The following SPIN1 variants were observed in gnomAD, a reference collection of about 807,000 sequenced individuals.
The protein encoded by SPIN1 is spindlin-1.
SPIN1 carries 3 observed loss-of-function variants against 26.0 expected under a neutral mutation model. The ratio of observed to expected loss-of-function variants is 0.12; its 90% CI spans 0.05 to 0.30. The LOEUF is 0.30. Among genes scored for constraint, SPIN1 ranks in the 10% least tolerant of loss-of-function variants. The pLI is 1.00. For synonymous variants in SPIN1, 101 were observed against 116.5 expected, an observed-to-expected ratio of 0.87 and a Z score of 0.86; for missense variants, 126 against 333.4, an observed-to-expected ratio of 0.38 and a Z score of 4.84.
intron 1 of SPIN1, among the ~76,000 whole-genome samples, chr9:88,389,773 G>A (rs1483466392): frequency 6.6e-6 from 1 of 152,168 alleles, no homozygotes; most frequent in African/African-American, 2.4e-5. Flanking sequence ...TTAATGGAGG[G>A]TACAGTAATT....
At chr9:88,420,479 C>A (rs1827648475) in intron 1 of SPIN1, among the ~76,000 whole-genome samples, 1 of 152,182 alleles carries the variant, frequency 6.6e-6, no homozygotes, top group African/African-American at 2.4e-5. Context: ...CCAGCCAGTC[C>A]TCTGAAGCTG....
In SPIN1 at chr9:88,400,125, C is replaced by A. The variant is rs947248178; in HGVS notation, c.-159+11587C>A. On this transcript the variant is annotated intron_variant, in intron 1 of 5. Transcript: ENST00000375859. ...ATTGGCCTCCCTTTGGGTAGTTGCC[C>A]AGCACGGTACTGTCTTCCTCAGAAT... is the stretch of plus-strand genomic sequence containing the variant. Among the ~76,000 whole-genome samples the A allele has an allele frequency of 2.0e-5, 3 of 152,286 alleles. No homozygotes were observed. In the East Asian group the frequency reaches 5.8e-4, roughly 29 times the overall value.
intron 1 of SPIN1, chr9:88,416,539 CT>C (rs1478509437): frequency 1.3e-5 from 2 of 152,202 alleles, no homozygotes; most frequent in Non-Finnish European, 2.9e-5. Context: ...CTGGTAAACC[CT>C]TGTGATGCTG....
At chr9:88,422,321 C>T (rs1352929488) in intron 1 of SPIN1, among the ~76,000 whole-genome samples, 2 of 152,056 alleles carry the variant, frequency 1.3e-5, no homozygotes, top group South Asian at 2.1e-4. Context: ...TTTTTTGTTT[C>T]CTTCAGTTTT....
intron 1 of SPIN1, among the ~76,000 whole-genome samples, chr9:88,404,160 G>C (rs1827247234): frequency 1.3e-5 from 2 of 152,196 alleles, no homozygotes; most frequent in Admixed American, 1.3e-4. Flanking sequence ...TGGTCCACCT[G>C]TATTAGGGCA....
chr9:88,448,830 G>A (rs1828304482), intron 2 of SPIN1, 111 bp from the exon 3 acceptor site: 15 of 862,498 alleles, frequency 1.7e-5, no homozygotes, highest in Non-Finnish European at 2.7e-5. Context: ...TGGTAGTGGT[G>A]TATTTTCTTT....
rs186829110 is a variant in SPIN1 at position 88,410,731 on chromosome 9, C to G, written c.-158-15651C>G. On this transcript the variant is annotated intron_variant, in intron 1 of 5. Transcript: ENST00000375859. ...AAAATCATTGTAGCTTCCACCACCT[C>G]CAAAATTGCTTCCACCATTACCAAA... is the stretch of plus-strand genomic sequence containing the variant. 1,347 of 1,403,250 alleles carry G rather than the reference C, an allele frequency of 9.6e-4. 6 individuals carry two copies. In the Middle Eastern group the frequency reaches 0.011, roughly 11 times the overall value. 86.9% of individuals were successfully genotyped at this position (1,403,250 alleles called of 1,614,324 possible). A position where few individuals can be genotyped will look rare whatever the true frequency, so the allele number is the denominator to read the frequency against.
At chr9:88,463,738 A>G (rs183628861) in intron 4 of SPIN1, among the ~76,000 whole-genome samples, 1 of 152,320 alleles carries the variant, frequency 6.6e-6, no homozygotes, top group East Asian at 1.9e-4. Flanking sequence ...TTTCAAAGAA[A>G]TCTTTCTTTA....
At chr9:88,437,012 G>A (rs568695936) in intron 2 of SPIN1, among the ~76,000 whole-genome samples, 55 of 151,910 alleles carry the variant, frequency 3.6e-4, no homozygotes, top group Admixed American at 9.2e-4. Context: ...TGATCCGCCC[G>A]CCTCGGCCTC....
intron 2 of SPIN1, among the ~76,000 whole-genome samples, chr9:88,441,253 T>C (rs1828117492): frequency 6.6e-6 from 1 of 151,846 alleles, no homozygotes; most frequent in South Asian, 2.1e-4. Context: ...TAGATGCAAA[T>C]ACTACACCAT....
At chr9:88,442,814 A>G (rs991960853) in intron 2 of SPIN1, among the ~76,000 whole-genome samples, 2 of 151,782 alleles carry the variant, frequency 1.3e-5, no homozygotes, top group African/African-American at 4.8e-5. Flanking sequence ...GGTGTCTGGC[A>G]TTAATTTCTG....
intron 1 of SPIN1, among the ~76,000 whole-genome samples, chr9:88,394,878 C>T (rs1208879895): frequency 1.4e-5 from 2 of 146,606 alleles, no homozygotes; most frequent in East Asian, 2.0e-4. Context: ...GGTGCGATCT[C>T]GGCTCACTGC....
chr9:88,422,988 C>T (rs1000663997), intron 1 of SPIN1, among the ~76,000 whole-genome samples: 10 of 151,726 alleles, frequency 6.6e-5, no homozygotes, highest in African/African-American at 9.7e-5. Flanking sequence ...GGATTACAGG[C>T]GTGAGCCACC....
intron 3 of SPIN1, 68 bp from the exon 4 acceptor site, chr9:88,462,428 G>A (rs1003805317): frequency 6.4e-6 from 10 of 1,555,534 alleles, no homozygotes; most frequent in African/African-American, 2.7e-5. Flanking sequence ...GCTAGCCAGC[G>A]GTTATGTTAG....
rs192729961 is a variant in SPIN1, at chr9:88,417,404, T to G, written c.-158-8978T>G. 3.4e-3 allele frequency among the ~76,000 whole-genome samples: 520 copies of G among 152,326 alleles called. 3 individuals are homozygous for G. Among genetic ancestry groups the G allele is most frequent in the African/African-American group, 0.012 (501 of 41,580 alleles). On this transcript the variant is annotated intron_variant, in intron 1 of 5. Coordinates refer to ENST00000375859, the MANE Select transcript of SPIN1 (RefSeq NM_006717.3). ...TCAGAGTATCCACCTGGAAATAGCA[T>G]CACATCCCACAAGACTGCCCCCATT...
intron 1 of SPIN1, among the ~76,000 whole-genome samples, chr9:88,419,683 CATT>C (rs1283326485): frequency 3.9e-5 from 6 of 152,090 alleles, no homozygotes; most frequent in Admixed American, 3.9e-4. Flanking sequence ...CAAAGAATAA[CATT>C]AGTGAACACT....
intron 2 of SPIN1, among the ~76,000 whole-genome samples, chr9:88,428,475 T>C (rs1437350886): frequency 6.6e-6 from 1 of 152,244 alleles, no homozygotes; most frequent in Non-Finnish European, 1.5e-5. Flanking sequence ...GATAATGGCC[T>C]CTAGCTGCAT....
At chr9:88,391,960 C>T (rs1826930758) in intron 1 of SPIN1, 1 of 152,134 alleles carries the variant, frequency 6.6e-6, no homozygotes, top group South Asian at 2.1e-4. Context: ...GCCTGAAAAC[C>T]CAAACTCCAG....
intron 5 of SPIN1, among the ~76,000 whole-genome samples, chr9:88,469,208 G>A (rs1281792483): frequency 6.6e-6 from 1 of 152,160 alleles, no homozygotes; most frequent in Non-Finnish European, 1.5e-5. Flanking sequence ...TCACAATAAG[G>A]TTTGTGCTCC....
Sources: allele counts gnomAD v4.1 joint callset (sites outside exome capture counted in the v4.1 genomes callset), GRCh38; gene constraint gnomAD v4.1.1; transcripts MANE v1.5; gene names NCBI Gene and HGNC (gene_info 2026-07-23, HGNC 2026-07-21).